LPP: variants seen among roughly 807,000 people sequenced by gnomAD.
The protein encoded by LPP is LIM domain containing preferred translocation partner in lipoma, also known as lipoma-preferred partner.
A neutral mutation model predicts 60.4 loss-of-function variants in LPP; 38 were observed. The observed-to-expected ratio is 0.63, with a 90% CI of 0.49 to 0.83. The LOEUF (loss-of-function observed/expected upper bound fraction) is 0.83, where lower values mean the gene tolerates loss of function less well. LPP is among the 40% of genes least tolerant of loss of function. The pLI, the probability that LPP is intolerant of heterozygous loss-of-function variation, is 0.00. For synonymous variants in LPP, 328 were observed against 290.8 expected (o/e 1.13, Z -1.30); for missense variants, 902 against 783.6 (o/e 1.15, Z -1.80).
chr3:188,537,244 A>G (rs1004565224), intron 6 of LPP, among the ~76,000 whole-genome samples: 4 of 151,874 alleles, frequency 2.6e-5, no homozygotes, highest in Admixed American at 2.0e-4. Context: ...GTGCTAGCAC[A>G]TGTTTCCTTG....
rs1578377022 is a variant in LPP at position 188,368,395 on chromosome 3, T to C, written c.-10+26676T>C. ...GCTTGACCATCATGGCTTTTTTTTTTTCCCCTATGTCTTTAGGATATTAGC... is the reference window on the plus strand; with the variant it reads ...GCTTGACCATCATGGCTTTTTTTTTCTCCCCTATGTCTTTAGGATATTAGC... On this transcript the variant is annotated intron_variant, in intron 3 of 11. Transcript: ENST00000617246. Among the ~76,000 whole-genome samples the C allele has an allele frequency of 2.6e-5, 4 of 151,956 alleles. No homozygotes were observed. The East Asian group carries it at 7.7e-4, about 29-fold the overall frequency.
At chr3:188,607,157 ACACACACACT>A (rs1842552033) in intron 6 of LPP, among the ~76,000 whole-genome samples, 1 of 131,180 alleles carries the variant, frequency 7.6e-6, no homozygotes, top group African/African-American at 2.6e-5. Context: ...ACACACACAC[ACACACACACT>A]ATTTAAACAT....
intron 9 of LPP, among the ~76,000 whole-genome samples, chr3:188,788,796 G>A (rs984954223): frequency 2.6e-5 from 4 of 152,150 alleles, no homozygotes; most frequent in African/African-American, 4.8e-5. Flanking sequence ...CGCCCCCCCG[G>A]CTCTAAACCT....
rs1269375852 is a variant in LPP at position 188,345,961 on chromosome 3, T to C, written c.-10+4242T>C. Among the ~76,000 whole-genome samples, 3 of 152,130 alleles carry C rather than the reference T, an allele frequency of 2.0e-5. No individual in the cohort carries two copies. In the East Asian group the frequency reaches 5.8e-4, roughly 29 times the overall value. ...GCCTAACTTTCCTCTGAGCTGCACT[T>C]TCTCCATCTGTGAGATGGGAGGAGG... On this transcript the variant is annotated intron_variant, in intron 3 of 11. Transcript: ENST00000617246.
At position 188,609,113 on chromosome 3, in the gene LPP, G is replaced by A. The variant is rs752850082; in HGVS notation, c.430-48G>A. 2 of 1,327,446 alleles carry A rather than the reference G, an allele frequency of 1.5e-6. No homozygotes were observed. The highest frequency in any genetic ancestry group is 1.4e-5 in the South Asian group (1 of 73,186). 82.2% of individuals were successfully genotyped at this position (1,327,446 alleles called of 1,614,324 possible). A position where few individuals can be genotyped will look rare whatever the true frequency, so the allele number is the denominator to read the frequency against. On this transcript the variant is annotated intron_variant, in intron 6 of 11. Coordinates refer to ENST00000617246, the MANE Select transcript of LPP (RefSeq NM_001375462.1). This position sits in a 1 kb window ranked among gnomAD's most constrained non-coding sequence, Gnocchi z 6.9. Reference sequence around the variant, plus strand: ...TATTCATTTTTATTGAGTTTCGTTGGCAGTAATTTTTGCTTTCTTTCTTTC... The same window carrying A: ...TATTCATTTTTATTGAGTTTCGTTGACAGTAATTTTTGCTTTCTTTCTTTC...
Position 188,610,558 on chromosome 3 carries a change from T to G in LPP, c.1113+714T>G, listed in dbSNP as rs1421830866. Among the ~76,000 whole-genome samples the G allele has an allele frequency of 6.6e-6, 1 of 152,224 alleles. No homozygotes were observed. Among genetic ancestry groups the G allele is most frequent in the African/African-American group, 2.4e-5 (1 of 41,462 alleles). ...CAGAAAGAATCTTATTCTTCAGCCT[T>G]TAGCACTATTAAGCAATGTTTAAAA... is the stretch of plus-strand genomic sequence containing the variant. On this transcript the variant is annotated intron_variant, in intron 7 of 11. Coordinates refer to ENST00000617246, the MANE Select transcript of LPP (RefSeq NM_001375462.1). The surrounding 1 kb of genome is among the most constrained non-coding windows in gnomAD (Gnocchi z 4.4).
At chr3:188,276,889 CTTTTCTTT>C (rs1194227330) in intron 2 of LPP, among the ~76,000 whole-genome samples, 5 of 60,158 alleles carry the variant, frequency 8.3e-5, no homozygotes, top group African/African-American at 4.4e-4. Context: ...CACTTCTTTT[CTTTTCTTT>C]TTTTTTTTTT....
At chr3:188,332,902 C>T (rs1036126000) in intron 2 of LPP, among the ~76,000 whole-genome samples, 5 of 151,062 alleles carry the variant, frequency 3.3e-5, no homozygotes, top group African/African-American at 1.2e-4. Flanking sequence ...GGCTCCTCAC[C>T]TTCACCCCCA....
chr3:188,200,450 A>G (rs1184595695), intron 1 of LPP, among the ~76,000 whole-genome samples: 1 of 152,230 alleles, frequency 6.6e-6, no homozygotes, highest in South Asian at 2.1e-4. Context: ...GGGTTTCATC[A>G]TATTGGTCAG....
At chr3:188,751,774 G>A (rs1203152643) in intron 8 of LPP, among the ~76,000 whole-genome samples, 2 of 152,056 alleles carry the variant, frequency 1.3e-5, no homozygotes, top group Non-Finnish European at 2.9e-5. Context: ...TAGAGTTGTT[G>A]GGGTGACTAC....
chr3:188,578,329 C>T (rs1835249394), intron 6 of LPP, among the ~76,000 whole-genome samples: 1 of 151,992 alleles, frequency 6.6e-6, no homozygotes, highest in Non-Finnish European at 1.5e-5. Flanking sequence ...TCCTTCCTAG[C>T]AGCCAGGAGT....
chr3:188,252,199 A>C, intron 2 of LPP, among the ~76,000 whole-genome samples: 1 of 92,924 alleles, frequency 1.1e-5, no homozygotes, highest in African/African-American at 4.4e-5. Context: ...ATATATATAT[A>C]TATATATGTT....
At chr3:188,383,877 G>A (rs947192848) in intron 3 of LPP, among the ~76,000 whole-genome samples, 3 of 152,056 alleles carry the variant, frequency 2.0e-5, no homozygotes, top group Non-Finnish European at 4.4e-5. Flanking sequence ...GGATATTTGG[G>A]TCAAATAGCA....
intron 1 of LPP, among the ~76,000 whole-genome samples, chr3:188,177,925 T>C (rs549452447): frequency 9.9e-5 from 15 of 152,130 alleles, no homozygotes; most frequent in Non-Finnish European, 2.1e-4. Flanking sequence ...TGTGCATAAG[T>C]GTGTCATGTT....
intron 6 of LPP, among the ~76,000 whole-genome samples, chr3:188,556,879 A>C (rs1829605301): frequency 6.6e-6 from 1 of 152,092 alleles, no homozygotes; most frequent in Non-Finnish European, 1.5e-5. Flanking sequence ...AATTACTGGA[A>C]TTACCTATAA....
intron 1 of LPP, among the ~76,000 whole-genome samples, chr3:188,169,098 A>T: frequency 6.6e-6 from 1 of 152,258 alleles, no homozygotes; most frequent in South Asian, 2.1e-4. Flanking sequence ...CCATCATGTT[A>T]TAGAAACTTT....
intron 4 of LPP, among the ~76,000 whole-genome samples, chr3:188,480,212 G>A (rs1347069377): frequency 6.6e-6 from 1 of 152,224 alleles, no homozygotes; most frequent in Non-Finnish European, 1.5e-5. Context: ...CTAACAGGCT[G>A]TTTTCTGAAG....
intron 6 of LPP, among the ~76,000 whole-genome samples, chr3:188,569,315 A>T (rs144553173): frequency 1.8e-4 from 28 of 151,970 alleles, no homozygotes; most frequent in African/African-American, 4.3e-4. Context: ...GGAGCATTGA[A>T]AGTTTGAGGA....
chr3:188,765,758 A>G (rs1249396114), intron 9 of LPP, among the ~76,000 whole-genome samples: 2 of 151,322 alleles, frequency 1.3e-5, no homozygotes, highest in African/African-American at 4.9e-5. Flanking sequence ...CCCAGGCTGA[A>G]CTCAAACTCC....
Sources: allele counts gnomAD v4.1 joint callset (sites outside exome capture counted in the v4.1 genomes callset), GRCh38; gene constraint gnomAD v4.1.1; non-coding constraint Gnocchi (gnomAD v3.1); transcripts MANE v1.5; gene names NCBI Gene and HGNC (gene_info 2026-07-23, HGNC 2026-07-21).